The following TLN2 variants were observed in gnomAD, a reference collection of about 807,000 sequenced individuals.
TLN2 encodes the protein talin-2.
Under a neutral mutation model 294.7 loss-of-function variants are expected in TLN2, and 118 were observed. That is an observed-to-expected ratio of 0.40 (90% confidence interval 0.34 to 0.47). The LOEUF (loss-of-function observed/expected upper bound fraction) is 0.47. TLN2 is among the 20% of genes least tolerant of loss of function. The pLI is 0.84. For synonymous variants in TLN2, 1,431 were observed against 1,304.5 expected (o/e 1.10, Z -2.09); for missense variants, 3,083 against 3,282.2 (o/e 0.94, Z 1.48).
chr15:62,769,328 T>G (rs892253125), intron 41 of TLN2, among the ~76,000 whole-genome samples: 1 of 152,150 alleles, frequency 6.6e-6, no homozygotes, highest in Admixed American at 6.5e-5. Flanking sequence ...AATGCAAGTG[T>G]GTGGAGCTGC....
intron 52 of TLN2, among the ~76,000 whole-genome samples, chr15:62,810,775 G>A (rs988141254): frequency 3.3e-5 from 5 of 152,160 alleles, no homozygotes; most frequent in Non-Finnish European, 7.3e-5. Flanking sequence ...ACCATGTAAG[G>A]TCTAGGGCAG....
At chr15:62,668,604 G>C (rs1221556683) in intron 9 of TLN2, among the ~76,000 whole-genome samples, 1 of 152,184 alleles carries the variant, frequency 6.6e-6, no homozygotes, top group Non-Finnish European at 1.5e-5. Flanking sequence ...ACTTGGAGGG[G>C]TCAGGGTGCG....
chr15:62,656,679 C>T (rs2053247875), intron 8 of TLN2, among the ~76,000 whole-genome samples: 1 of 152,158 alleles, frequency 6.6e-6, no homozygotes, highest in South Asian at 2.1e-4. Context: ...CCTTCCCTCC[C>T]TCCCTTTCCT....
intron 22 of TLN2, among the ~76,000 whole-genome samples, chr15:62,712,713 CT>C (rs1428769878): frequency 2.0e-5 from 3 of 151,644 alleles, no homozygotes; most frequent in Admixed American, 2.0e-4. Context: ...CACAAGGTCA[CT>C]GGTAGGACTC....
intron 1 of TLN2, among the ~76,000 whole-genome samples, chr15:62,501,822 T>A (rs2039324784): frequency 1.3e-5 from 2 of 152,236 alleles, no homozygotes; most frequent in Admixed American, 1.3e-4. Flanking sequence ...TAAGTATCTA[T>A]TTTGAATAAT....
At chr15:62,429,169 G>A (rs560177762) in intron 1 of TLN2, among the ~76,000 whole-genome samples, 12 of 151,918 alleles carry the variant, frequency 7.9e-5, no homozygotes, top group Admixed American at 5.3e-4. Flanking sequence ...TCACTCAAGC[G>A]GGGTGCAGTG....
chr15:62,825,829 A>ATATT (rs10670862), intron 54 of TLN2, among the ~76,000 whole-genome samples: 28 of 12,836 alleles, frequency 2.2e-3, no homozygotes, highest in East Asian at 6.1e-3. Flanking sequence ...TATATATTAT[A>ATATT]ATATATAATA....
chr15:62,608,310 G>A (rs1044568376), intron 2 of TLN2, among the ~76,000 whole-genome samples: 1 of 152,122 alleles, frequency 6.6e-6, no homozygotes, highest in Non-Finnish European at 1.5e-5. Context: ...GGGTGGGGGT[G>A]GTGTTAGACT....
intron 12 of TLN2, among the ~76,000 whole-genome samples, chr15:62,690,837 C>A (rs2057812785): frequency 1.3e-5 from 2 of 151,572 alleles, no homozygotes; most frequent in Admixed American, 1.3e-4. Context: ...ACAGCGAAAC[C>A]CCGTCTCCAC....
intron 52 of TLN2, among the ~76,000 whole-genome samples, chr15:62,815,210 CACACACA>C (rs1361274233): frequency 5.9e-5 from 9 of 151,562 alleles, no homozygotes; most frequent in African/African-American, 2.2e-4. Context: ...CACACACACA[CACACACA>C]CACACACACA....
At chr15:62,794,209 C>G (rs1025556301) in intron 46 of TLN2, among the ~76,000 whole-genome samples, 2 of 152,150 alleles carry the variant, frequency 1.3e-5, no homozygotes, top group African/African-American at 2.4e-5. Flanking sequence ...GCTTTGGGTC[C>G]CTGATTTAGG....
At chr15:62,668,916 C>T (rs929538944) in intron 9 of TLN2, among the ~76,000 whole-genome samples, 1 of 152,198 alleles carries the variant, frequency 6.6e-6, no homozygotes, top group Non-Finnish European at 1.5e-5. Flanking sequence ...AATGTAGAAT[C>T]ATAACAGGTG....
intron 52 of TLN2, among the ~76,000 whole-genome samples, chr15:62,815,017 CAG>C (rs2066987978): frequency 6.6e-6 from 1 of 152,114 alleles, no homozygotes; most frequent in Non-Finnish European, 1.5e-5. Context: ...TAATGACAAT[CAG>C]AAAATGAAAG....
In TLN2 at chr15:62,800,458, G is replaced by T. The variant is rs543868821; in HGVS notation, c.6325G>T (p.Asp2109Tyr). Residue 2109 changes from aspartate (D) to tyrosine (Y), a missense_variant, in exon 49 of 59, where the codon GAC (aspartate) becomes TAC (tyrosine). Transcript: ENST00000636159. ...TKGAASKPVD[D>Y]PSMYQLKGAA... ...GGGAGCTGCCAGCAAGCCAGTGGAC[G>T]ACCCTTCCATGTACCAGCTCAAGGG... The T allele has an allele frequency of 1.9e-6, 3 of 1,614,082 alleles. No individual in the cohort carries two copies. The highest frequency in any genetic ancestry group is 1.1e-5 in the South Asian group (1 of 91,078).
Position 62,716,473 on chromosome 15 carries a change from C to A in TLN2, c.2763+14C>A, listed in dbSNP as rs1431468610. ...AACCGACTGGAGGTAAGGAAAGAGG[C>A]TGCCTTTCTGGGATGCCCATCTTAA... On this transcript the variant is annotated intron_variant, in intron 23 of 58. Coordinates refer to ENST00000636159, the MANE Select transcript of TLN2 (RefSeq NM_015059.3). 2 of 1,586,198 alleles carry A rather than the reference C, an allele frequency of 1.3e-6. No homozygotes were observed. Among genetic ancestry groups the A allele is most frequent in the Non-Finnish European group, 1.7e-6 (2 of 1,170,022 alleles).
At chr15:62,424,345 A>G (rs2034582605) in intron 1 of TLN2, among the ~76,000 whole-genome samples, 1 of 152,214 alleles carries the variant, frequency 6.6e-6, no homozygotes. Context: ...GGCTGAAGAA[A>G]GGAGAAAGGA....
chr15:62,676,349 T>C (rs7174979), intron 11 of TLN2, among the ~76,000 whole-genome samples: 5,375 of 152,260 alleles, frequency 0.035, 303 homozygotes, highest in African/African-American at 0.11. Context: ...CAGTTTTACA[T>C]CCAAAATCGC....
intron 1 of TLN2, among the ~76,000 whole-genome samples, chr15:62,496,979 C>A (rs540262720): frequency 6.6e-6 from 1 of 152,154 alleles, no homozygotes; most frequent in South Asian, 2.1e-4. Flanking sequence ...AGTCTCCAGT[C>A]GTGCCTCCCT....
chr15:62,490,443 CAGTT>C (rs1372231895), intron 1 of TLN2, among the ~76,000 whole-genome samples: 3 of 152,168 alleles, frequency 2.0e-5, no homozygotes, highest in South Asian at 2.1e-4. Flanking sequence ...ATCCCAAAGA[CAGTT>C]GGTTGGAAAC....
Sources: allele counts gnomAD v4.1 joint callset (sites outside exome capture counted in the v4.1 genomes callset), GRCh38; gene constraint gnomAD v4.1.1; transcripts MANE v1.5; gene names NCBI Gene and HGNC (gene_info 2026-07-23, HGNC 2026-07-21).